Variants in CHRNB3 observed in about 807,000 individuals in gnomAD.
CHRNB3 encodes the protein cholinergic receptor nicotinic beta 3 subunit.
Under a neutral mutation model 40.6 loss-of-function variants are expected in CHRNB3, and 37 were observed. The ratio of observed to expected loss-of-function variants is 0.91; its 90% CI spans 0.70 to 1.20. The LOEUF (loss-of-function observed/expected upper bound fraction) is 1.20, where lower values mean the gene tolerates loss of function less well. Ranked by LOEUF, CHRNB3 falls within the 50% of genes most tolerant of loss-of-function variation. The probability of loss-of-function intolerance (pLI) is 0.00; values close to 1 mark genes in which losing one functional copy is unlikely to be tolerated. For missense variants in CHRNB3, 505 were observed against 551.2 expected (o/e 0.92, Z 0.84); for synonymous variants, 207 against 207.1 (o/e 1.00, Z 0.00).
In CHRNB3 at chr8:42,732,033, C is replaced by T. The variant is rs201506201; in HGVS notation, c.726C>T (p.Ile242=). ...LPLFYTLFLI[I]PCLGLSFLTV... ...TATTCTATACCCTCTTTCTCATCAT[C>T]CCCTGCCTGGGGCTGTCTTTCCTAA... Residue 242 remains isoleucine (I), a synonymous_variant, in exon 5 of 6, where the codon ATC becomes ATT. Coordinates refer to ENST00000289957, the MANE Select transcript of CHRNB3 (RefSeq NM_000749.5). 31 of 1,614,020 alleles carry T rather than the reference C, an allele frequency of 1.9e-5. No individual in the cohort carries two copies. Among genetic ancestry groups the T allele is most frequent in the East Asian group, 2.2e-5 (1 of 44,882 alleles).
At chr8:42,726,366 G>T (rs546559107) in intron 3 of CHRNB3, 16 of 482,014 alleles carry the variant, frequency 3.3e-5, no homozygotes, top group Middle Eastern at 5.4e-4. Flanking sequence ...CTACAGAAAA[G>T]ATCCCAAAAT....
At chr8:42,723,869 T>A (rs1301075352) in intron 3 of CHRNB3, among the ~76,000 whole-genome samples, 1 of 152,174 alleles carries the variant, frequency 6.6e-6, no homozygotes, top group East Asian at 1.9e-4. Context: ...GTGGATTACC[T>A]GAAGTCAGGA....
intron 1 of CHRNB3, among the ~76,000 whole-genome samples, chr8:42,702,069 G>A (rs1001545693): frequency 5.3e-5 from 8 of 151,990 alleles, no homozygotes; most frequent in African/African-American, 9.7e-5. Context: ...TGATGACTTC[G>A]GAAAGGGAAT....
intron 1 of CHRNB3, among the ~76,000 whole-genome samples, chr8:42,703,435 A>AAAAAAAAAAAAAAATATATATATATATAT: frequency 1.1e-4 from 5 of 47,396 alleles, no homozygotes; most frequent in African/African-American, 1.2e-4. Flanking sequence ...AAAAAAAAAA[A>AAAAAAAAAAAAAAATATATATATATATAT]ATATTTATAT....
intron 3 of CHRNB3, among the ~76,000 whole-genome samples, chr8:42,715,681 C>G (rs937176802): frequency 6.6e-6 from 1 of 152,114 alleles, no homozygotes; most frequent in Non-Finnish European, 1.5e-5. Flanking sequence ...CTTCTTCTAT[C>G]CTCTCAACCA....
At chr8:42,724,134 T>C (rs75686752) in intron 3 of CHRNB3, among the ~76,000 whole-genome samples, 8,695 of 151,838 alleles carry the variant, frequency 0.057, 328 homozygotes, top group Middle Eastern at 0.11. Flanking sequence ...CAGTGGCTCA[T>C]GCCTGTAATC....
At chr8:42,725,030 C>A (rs1816282427) in intron 3 of CHRNB3, among the ~76,000 whole-genome samples, 1 of 151,486 alleles carries the variant, frequency 6.6e-6, no homozygotes, top group African/African-American at 2.4e-5. Flanking sequence ...TGGAACTGGA[C>A]TGTGATGAGA....
intron 4 of CHRNB3, 113 bp from the exon 5 acceptor site, chr8:42,731,554 C>CA: frequency 8.1e-7 from 1 of 1,228,688 alleles, no homozygotes; most frequent in Non-Finnish European, 1.1e-6. Context: ...GACTCCATCT[C>CA]AAAAAAGAAA....
chr8:42,728,149 T>C (rs1485687753), intron 3 of CHRNB3, among the ~76,000 whole-genome samples: 1 of 152,204 alleles, frequency 6.6e-6, no homozygotes, highest in African/African-American at 2.4e-5. Flanking sequence ...TTAAACATTA[T>C]GCACTTCACC....
At chr8:42,712,440 T>C (rs1816032256) in intron 3 of CHRNB3, among the ~76,000 whole-genome samples, 1 of 152,200 alleles carries the variant, frequency 6.6e-6, no homozygotes, top group Admixed American at 6.5e-5. Flanking sequence ...TCATCAAATG[T>C]CTCCCACCCA....
At chr8:42,727,337 C>A (rs1816328071) in intron 3 of CHRNB3, among the ~76,000 whole-genome samples, 1 of 146,884 alleles carries the variant, frequency 6.8e-6, no homozygotes, top group Non-Finnish European at 1.5e-5. Flanking sequence ...CCCACCACTG[C>A]ACTCCAGCCT....
At chr8:42,718,483 C>T (rs2128906930) in intron 3 of CHRNB3, among the ~76,000 whole-genome samples, 1 of 151,634 alleles carries the variant, frequency 6.6e-6, no homozygotes, top group African/African-American at 2.4e-5. Flanking sequence ...ACCATCCTAG[C>T]TAACACAGTG....
Position 42,711,543 on chromosome 8 carries a change from C to T in CHRNB3, c.249+1109C>T, listed in dbSNP as rs569273486. Among the ~76,000 whole-genome samples, 300 of 151,686 alleles carry T rather than the reference C, an allele frequency of 2.0e-3. 1 individual carries two copies. Among genetic ancestry groups the T allele is most frequent in the African/African-American group, 6.4e-3 (263 of 41,376 alleles). On this transcript the variant is annotated intron_variant, in intron 3 of 5. Transcript: ENST00000289957. ...CTAAGTAGCTGGGATTACAGGTGCC[C>T]GCCACCACGCCCAGCTGATTTTTGT...
Position 42,731,928 on chromosome 8 carries a change from G to A in CHRNB3, c.621G>A (p.Lys207=). The A allele has an allele frequency of 6.2e-7, 1 of 1,614,150 alleles. No homozygotes were observed. Among genetic ancestry groups the A allele is most frequent in the Non-Finnish European group, 8.5e-7 (1 of 1,180,032 alleles). The change falls in exon 5 of 6, where the codon AAG becomes AAA. Residue 207 remains lysine, a synonymous_variant. Transcript: ENST00000289957. ...DNGEWEILNA[K]GMKGNRRDGV... The stretch of plus-strand genomic sequence containing the variant: ...GAGAATGGGAAATACTGAACGCAAA[G>A]GGGATGAAGGGGAACAGAAGGGACG...
intron 3 of CHRNB3, among the ~76,000 whole-genome samples, chr8:42,721,283 C>T (rs1174557069): frequency 6.6e-6 from 1 of 152,182 alleles, no homozygotes; most frequent in Non-Finnish European, 1.5e-5. Context: ...GCTGGCTTTA[C>T]CTGCAGCTTC....
chr8:42,729,062 T>G (rs938166476), intron 3 of CHRNB3, among the ~76,000 whole-genome samples: 13 of 152,076 alleles, frequency 8.5e-5, no homozygotes, highest in African/African-American at 2.9e-4. Flanking sequence ...TGGTGAATAC[T>G]TTATTATTGG....
At chr8:42,731,106 A>T (rs1401901351) in intron 4 of CHRNB3, among the ~76,000 whole-genome samples, 1 of 151,928 alleles carries the variant, frequency 6.6e-6, no homozygotes, top group East Asian at 1.9e-4. Flanking sequence ...TAAAAAGTGA[A>T]AAAAAGGAAA....
intron 3 of CHRNB3, among the ~76,000 whole-genome samples, chr8:42,725,089 C>CTTTTTTTTTTTTTTT: frequency 7.3e-6 from 1 of 136,494 alleles, no homozygotes; most frequent in Non-Finnish European, 1.6e-5. Context: ...TTCTTTCTTT[C>CTTTTTTTTTTTTTTT]TTTTTTTTTT....
intron 3 of CHRNB3, among the ~76,000 whole-genome samples, chr8:42,719,625 C>T (rs374942602): frequency 1.9e-4 from 29 of 152,126 alleles, no homozygotes; most frequent in East Asian, 1.3e-3. Context: ...CCAGCCTGGG[C>T]GACAGAGTGA....
Sources: allele counts gnomAD v4.1 joint callset (sites outside exome capture counted in the v4.1 genomes callset), GRCh38; gene constraint gnomAD v4.1.1; transcripts MANE v1.5; gene names NCBI Gene and HGNC (gene_info 2026-07-23, HGNC 2026-07-21).